TENM3: variants seen among roughly 807,000 people sequenced by gnomAD.
The protein encoded by TENM3 is teneurin transmembrane protein 3, also known as teneurin-3.
Under a neutral mutation model 255.1 loss-of-function variants are expected in TENM3, and 63 were observed. The observed-to-expected ratio is 0.25, with a 90% CI of 0.20 to 0.30. The LOEUF is 0.30. Ranked by LOEUF, TENM3 falls within the 10% of genes least tolerant of loss-of-function variation. The pLI is 1.00. For synonymous variants in TENM3, 1,306 were observed against 1,322.3 expected (o/e 0.99, Z 0.27); for missense variants, 2,929 against 3,461.1 (o/e 0.85, Z 3.86).
At chr4:181,921,639 G>C in the TENM3 span, among the ~76,000 whole-genome samples, 1 of 152,176 alleles carries the variant, frequency 6.6e-6, no homozygotes, top group Non-Finnish European at 1.5e-5. Flanking sequence ...TTTGGGCTGA[G>C]ACAATGGGGT....
Position 182,679,848 on chromosome 4 carries a change from G to A in TENM3, c.1509G>A (p.Glu503=). 6.2e-7 allele frequency: 1 copy of A among 1,612,590 alleles called. No individual in the cohort carries two copies. Among genetic ancestry groups the A allele is most frequent in the Non-Finnish European group, 8.5e-7 (1 of 1,179,160 alleles). ...LAFYNDGKNA[E]QVSFNTIVIE... ...TTTATAATGATGGGAAAAATGCAGA[G>A]CAGGTGTCTTTTAATACCATTGTTA... Residue 503 remains glutamate, a synonymous_variant, in exon 8 of 28, where the codon GAG becomes GAA. Transcript: ENST00000511685.
At chr4:181,699,610 A>C in the TENM3 span, among the ~76,000 whole-genome samples, 1 of 152,110 alleles carries the variant, frequency 6.6e-6, no homozygotes, top group Non-Finnish European at 1.5e-5. Context: ...ATTGGGAAGG[A>C]GATTTAGGGC....
At chr4:181,842,384 G>T in the TENM3 span, among the ~76,000 whole-genome samples, 8 of 152,030 alleles carry the variant, frequency 5.3e-5, no homozygotes, top group Non-Finnish European at 8.8e-5. Flanking sequence ...TTCTATATCT[G>T]CCTGTTTAAT....
Position 182,158,096 on chromosome 4 carries a change from G to A in TENM3, c.-76+13342G>A, listed in dbSNP as rs142860528. On this transcript the variant is annotated intron_variant, in intron 1 of 2. Coordinates refer to the TENM3 transcript ENST00000512480. Reference sequence around the variant, plus strand: ...CCTCAGAGTCAGAGACACATGGGGAGTGGTGAGGACTGTGAACTAAAGGGC... The same window carrying A: ...CCTCAGAGTCAGAGACACATGGGGAATGGTGAGGACTGTGAACTAAAGGGC... Among the ~76,000 whole-genome samples, 162 of 152,298 alleles carry A rather than the reference G, an allele frequency of 1.1e-3. 3 individuals are homozygous for A. The East Asian group carries it at 0.027, about 26-fold the overall frequency.
the TENM3 span, among the ~76,000 whole-genome samples, chr4:182,045,646 G>C: frequency 6.6e-6 from 1 of 152,110 alleles, no homozygotes; most frequent in Non-Finnish European, 1.5e-5. Flanking sequence ...AACTATTTAA[G>C]GCAGAGAGGT....
chr4:182,307,061 T>C (rs2150396787), intron 1 of TENM3, among the ~76,000 whole-genome samples: 1 of 152,362 alleles, frequency 6.6e-6, no homozygotes, highest in African/African-American at 2.4e-5. Flanking sequence ...GTGGCTATTT[T>C]CCAAAAATAA....
intron 4 of TENM3, among the ~76,000 whole-genome samples, chr4:182,609,185 G>A (rs1302306636): frequency 1.3e-5 from 2 of 152,214 alleles, no homozygotes; most frequent in South Asian, 4.1e-4. Context: ...GTAGAGACTG[G>A]GTCTGCTATG....
In TENM3 at chr4:182,796,754, G is replaced by T; in HGVS notation, c.7331G>T (p.Trp2444Leu). Reference sequence around the variant, plus strand: ...TACGAACTTGTGAAGAGTCAGCAGTGGGATGATATACCGGTAAGAAACAAA... The same window carrying T: ...TACGAACTTGTGAAGAGTCAGCAGTTGGATGATATACCGGTAAGAAACAAA... ...PSYELVKSQQ[W>L]DDIPPIFGVQ... The change falls in exon 27 of 28, where the codon TGG becomes TTG. Residue 2444 changes from tryptophan (W) to leucine (L), a missense_variant. Physicochemically the swap from Trp to Leu is moderately conservative, Grantham distance 61 (BLOSUM62 -2). Transcript: ENST00000511685. 6.2e-7 allele frequency: 1 copy of T among 1,608,136 alleles called. No homozygotes were observed. Among genetic ancestry groups the T allele is most frequent in the Non-Finnish European group, 8.5e-7 (1 of 1,176,972 alleles).
intron 3 of TENM3, among the ~76,000 whole-genome samples, chr4:182,523,766 C>G (rs1018023392): frequency 5.3e-5 from 8 of 151,992 alleles, no homozygotes; most frequent in Admixed American, 5.2e-4. Flanking sequence ...TTACAGCATA[C>G]CTGGATTGGA....
chr4:181,674,745 T>A, the TENM3 span, among the ~76,000 whole-genome samples: 3 of 152,272 alleles, frequency 2.0e-5, no homozygotes, highest in Admixed American at 2.0e-4. Context: ...ATGTGCATAC[T>A]CTATTGGTGT....
chr4:182,614,945 C>T (rs1190051630), intron 4 of TENM3, among the ~76,000 whole-genome samples: 2 of 149,550 alleles, frequency 1.3e-5, no homozygotes, highest in Non-Finnish European at 3.0e-5. Flanking sequence ...CCACTGCAGC[C>T]AGCACTGGGA....
At chr4:182,679,494 G>A (rs886525138) in intron 7 of TENM3, among the ~76,000 whole-genome samples, 172 bp from the exon 8 acceptor site, 20 of 152,034 alleles carry the variant, frequency 1.3e-4, no homozygotes, top group African/African-American at 2.9e-4. Context: ...AATAGTTTGC[G>A]TCCTCCTTGT....
chr4:182,210,269 T>C (rs565533200), intron 1 of TENM3, among the ~76,000 whole-genome samples: 1 of 152,234 alleles, frequency 6.6e-6, no homozygotes, highest in Admixed American at 6.5e-5. Context: ...TTCACTTGGA[T>C]TGCAAGCATT....
intron 1 of TENM3, among the ~76,000 whole-genome samples, chr4:182,164,817 G>T (rs1278120473): frequency 2.6e-5 from 4 of 152,110 alleles, no homozygotes; most frequent in African/African-American, 4.8e-5. Flanking sequence ...ACTTCAGACC[G>T]CTAGTTCCAG....
chr4:182,150,097 A>G (rs1165666388), intron 1 of TENM3, among the ~76,000 whole-genome samples: 1 of 151,934 alleles, frequency 6.6e-6, no homozygotes, highest in Non-Finnish European at 1.5e-5. Context: ...GGTGGGGATA[A>G]TGTGATTTGG....
chr4:182,182,654 C>T (rs1019122479), intron 1 of TENM3, among the ~76,000 whole-genome samples: 3 of 152,268 alleles, frequency 2.0e-5, no homozygotes, highest in Admixed American at 1.3e-4. Context: ...TGAACCTAGA[C>T]GCCCTGAGTT....
At chr4:181,754,469 A>C in the TENM3 span, among the ~76,000 whole-genome samples, 3 of 152,180 alleles carry the variant, frequency 2.0e-5, no homozygotes, top group African/African-American at 7.2e-5. Flanking sequence ...TGGGTGGAGA[A>C]ATGAGGAAAT....
the TENM3 span, among the ~76,000 whole-genome samples, chr4:182,034,899 C>A: frequency 6.6e-6 from 1 of 152,026 alleles, no homozygotes; most frequent in African/African-American, 2.4e-5. Context: ...TATTGGGATT[C>A]TCTGGATTTC....
At chr4:181,501,563 A>G in the TENM3 span, among the ~76,000 whole-genome samples, 4 of 151,900 alleles carry the variant, frequency 2.6e-5, no homozygotes, top group Non-Finnish European at 1.5e-5. Flanking sequence ...TATTTTTAGT[A>G]GAGGCGGGGT....
Sources: allele counts gnomAD v4.1 joint callset (sites outside exome capture counted in the v4.1 genomes callset), GRCh38; gene constraint gnomAD v4.1.1; transcripts MANE v1.5; gene names NCBI Gene and HGNC (gene_info 2026-07-23, HGNC 2026-07-21).